The following PITPNC1 variants were observed in gnomAD, a reference collection of about 807,000 sequenced individuals.
PITPNC1 encodes phosphatidylinositol transfer protein cytoplasmic 1.
A neutral mutation model predicts 44.7 loss-of-function variants in PITPNC1; 18 were observed. That is an observed-to-expected ratio of 0.40 (90% CI 0.28 to 0.60). The LOEUF is 0.60. Among genes scored for constraint, PITPNC1 ranks in the 20% least tolerant of loss-of-function variants. The pLI is 0.39. For missense variants in PITPNC1, 290 were observed against 418.4 expected (o/e 0.69, Z 2.68); for synonymous variants, 141 against 149.6 (o/e 0.94, Z 0.42).
At chr17:67,461,001 A>G (rs947686342) in intron 1 of PITPNC1, among the ~76,000 whole-genome samples, 8 of 152,072 alleles carry the variant, frequency 5.3e-5, no homozygotes, top group African/African-American at 1.9e-4. Context: ...CTCAGCTCCC[A>G]GAGTGCTGGG....
chr17:67,557,030 G>C (rs1399870540), intron 4 of PITPNC1, among the ~76,000 whole-genome samples: 2 of 152,202 alleles, frequency 1.3e-5, no homozygotes, highest in Non-Finnish European at 2.9e-5. Flanking sequence ...GCAGAGGCCT[G>C]TTCTGTGTTA....
intron 1 of PITPNC1, among the ~76,000 whole-genome samples, chr17:67,525,825 T>G (rs1473219029): frequency 6.6e-6 from 1 of 152,156 alleles, no homozygotes; most frequent in East Asian, 1.9e-4. Context: ...GAAAGCCAAA[T>G]GATATCACTC....
intron 1 of PITPNC1, among the ~76,000 whole-genome samples, chr17:67,490,586 C>G (rs541069204): frequency 6.6e-6 from 1 of 152,072 alleles, no homozygotes; most frequent in Non-Finnish European, 1.5e-5. Context: ...AGAGCCTCCC[C>G]GCAGGCAGGG....
At chr17:67,484,148 C>A (rs1961377) in intron 1 of PITPNC1, among the ~76,000 whole-genome samples, 53,559 of 151,798 alleles carry the variant, frequency 0.35, 9,594 homozygotes, top group Non-Finnish European at 0.37. Flanking sequence ...GAACTCCCCA[C>A]CTCAGATGAT....
chr17:67,557,309 A>G (rs922692406), intron 4 of PITPNC1, among the ~76,000 whole-genome samples: 2 of 151,996 alleles, frequency 1.3e-5, no homozygotes, highest in African/African-American at 4.8e-5. Flanking sequence ...CCCATCTCCA[A>G]ACACCATTGC....
Position 67,615,874 on chromosome 17 carries a change from C to T in PITPNC1, c.367-16269C>T, listed in dbSNP as rs146003893. Among the ~76,000 whole-genome samples, 10 of 152,260 alleles carry T rather than the reference C, an allele frequency of 6.6e-5. No individual in the cohort carries two copies. In the East Asian group the frequency reaches 1.9e-3, roughly 29 times the overall value. On this transcript the variant is annotated intron_variant, in intron 5 of 8. Transcript: ENST00000581322. ...GCTGGTGCCAGTGTCTACATGTGCA[C>T]ATGTGAAGTGTTGGCCTAGACTCCT...
intron 1 of PITPNC1, among the ~76,000 whole-genome samples, chr17:67,412,611 T>G (rs12936778): frequency 2.6e-5 from 4 of 152,124 alleles, no homozygotes; most frequent in Non-Finnish European, 5.9e-5. Context: ...TTGTTGTCCA[T>G]GCTGGAGTGC....
At chr17:67,516,034 A>G (rs931171763) in intron 1 of PITPNC1, among the ~76,000 whole-genome samples, 22 of 152,212 alleles carry the variant, frequency 1.4e-4, no homozygotes, top group African/African-American at 5.1e-4. Flanking sequence ...TTCTAGGAGC[A>G]GGATTGAGGA....
chr17:67,673,965 T>C (rs2042557167), intron 7 of PITPNC1, among the ~76,000 whole-genome samples: 1 of 25,964 alleles, frequency 3.9e-5, no homozygotes, highest in African/African-American at 1.7e-4. Flanking sequence ...AGACTCCGTC[T>C]CAAAAAAAAA....
chr17:67,585,332 G>A (rs1239044999), intron 5 of PITPNC1, among the ~76,000 whole-genome samples: 1 of 152,190 alleles, frequency 6.6e-6, no homozygotes, highest in African/African-American at 2.4e-5. Flanking sequence ...ATGGGAAGGA[G>A]CCAGCCCTAT....
chr17:67,387,527 A>G (rs1644025331), intron 1 of PITPNC1, among the ~76,000 whole-genome samples: 1 of 152,120 alleles, frequency 6.6e-6, no homozygotes, highest in Non-Finnish European at 1.5e-5. Flanking sequence ...TTAGCTGGGC[A>G]TGGTGGTGGG....
At chr17:67,420,025 C>A (rs982339128) in intron 1 of PITPNC1, among the ~76,000 whole-genome samples, 1 of 152,174 alleles carries the variant, frequency 6.6e-6, no homozygotes, top group Non-Finnish European at 1.5e-5. Flanking sequence ...AAATCATGGT[C>A]TCATTTTGCT....
At chr17:67,425,201 ACG>A (rs1388039248) in intron 1 of PITPNC1, among the ~76,000 whole-genome samples, 1,097 of 63,204 alleles carry the variant, frequency 0.017, 64 homozygotes, top group Admixed American at 0.021. Context: ...GCGCACGCAC[ACG>A]CACACACACA....
intron 1 of PITPNC1, among the ~76,000 whole-genome samples, chr17:67,383,000 G>A (rs148345956): frequency 0.01 from 1,489 of 148,860 alleles, 14 homozygotes; most frequent in African/African-American, 0.025. Flanking sequence ...TTATTTATTT[G>A]TTTGTTTATT....
chr17:67,471,210 A>AT (rs1249143035), intron 1 of PITPNC1, among the ~76,000 whole-genome samples: 23 of 97,998 alleles, frequency 2.3e-4, no homozygotes, highest in African/African-American at 1.1e-3. Flanking sequence ...AAAAAAATAA[A>AT]TTAAAAAAAA....
At chr17:67,451,955 C>G (rs924122606) in intron 1 of PITPNC1, among the ~76,000 whole-genome samples, 3 of 151,052 alleles carry the variant, frequency 2.0e-5, no homozygotes, top group African/African-American at 7.3e-5. Context: ...TTCTTTTACT[C>G]AACATAAAGT....
At chr17:67,606,223 A>T (rs544139045) in intron 5 of PITPNC1, among the ~76,000 whole-genome samples, 44 of 152,370 alleles carry the variant, frequency 2.9e-4, no homozygotes, top group South Asian at 2.1e-4. Flanking sequence ...TACATAAGTC[A>T]TGAAAAATGG....
intron 1 of PITPNC1, chr17:67,379,052 T>G: frequency 1.0e-6 from 1 of 985,844 alleles, no homozygotes; most frequent in South Asian, 4.7e-5. Context: ...TCAGATAGGA[T>G]TATTCCGGCC....
In PITPNC1 at chr17:67,432,212, G is replaced by A. The variant is rs375024462; in HGVS notation, c.48+54010G>A. On this transcript the variant is annotated intron_variant, in intron 1 of 8. Transcript: ENST00000581322. ...CATATAAAATACACTAACACTGGCC[G>A]GGTGCGGTGGCTCACGCCTGTAATC... 3.2e-4 allele frequency among the ~76,000 whole-genome samples: 49 copies of A among 152,302 alleles called. No individual in the cohort carries two copies. In the East Asian group the frequency reaches 5.0e-3, roughly 16 times the overall value.
Sources: allele counts gnomAD v4.1 joint callset (sites outside exome capture counted in the v4.1 genomes callset), GRCh38; gene constraint gnomAD v4.1.1; transcripts MANE v1.5; gene names NCBI Gene and HGNC (gene_info 2026-07-23, HGNC 2026-07-21).